The following CNTN6 variants were observed in gnomAD, a reference collection of about 807,000 sequenced individuals.
The protein encoded by CNTN6 is contactin 6, also known as contactin-6.
Under a neutral mutation model 122.8 loss-of-function variants are expected in CNTN6, and 137 were observed. The ratio of observed to expected loss-of-function variants is 1.12; its 90% CI spans 0.97 to 1.29. The LOEUF (loss-of-function observed/expected upper bound fraction) is 1.29. CNTN6 is among the 50% of genes most tolerant of loss of function. CNTN6 has a pLI of 0.00. For synonymous variants in CNTN6, 570 were observed against 426.0 expected (o/e 1.34, Z -4.16); for missense variants, 1,634 against 1,223.4 (o/e 1.34, Z -5.01).
At chr3:1,398,073 T>C (rs1695204210) in intron 20 of CNTN6, among the ~76,000 whole-genome samples, 1 of 152,136 alleles carries the variant, frequency 6.6e-6, no homozygotes, top group Non-Finnish European at 1.5e-5. Context: ...TTTTAAAAGT[T>C]AGAAAAGTGC....
chr3:1,177,274 G>C (rs1318778147), intron 2 of CNTN6, among the ~76,000 whole-genome samples: 2 of 152,152 alleles, frequency 1.3e-5, no homozygotes, highest in Admixed American at 6.6e-5. Flanking sequence ...GAATAAACTT[G>C]AACATAGATT....
At chr3:1,379,598 A>G (rs946896639) in intron 17 of CNTN6, among the ~76,000 whole-genome samples, 5 of 151,892 alleles carry the variant, frequency 3.3e-5, no homozygotes. Context: ...TTTTAAGTTT[A>G]CTCTCTGGCC....
At chr3:1,303,342 A>T (rs541868695) in intron 7 of CNTN6, among the ~76,000 whole-genome samples, 1 of 151,912 alleles carries the variant, frequency 6.6e-6, no homozygotes, top group Non-Finnish European at 1.5e-5. Flanking sequence ...CTTTTTTTTG[A>T]ATCCTGGTCA....
At chr3:1,268,470 G>T (rs377205870) in intron 4 of CNTN6, among the ~76,000 whole-genome samples, 88 of 151,804 alleles carry the variant, frequency 5.8e-4, no homozygotes, top group African/African-American at 2.0e-3. Flanking sequence ...AGCCAGGCGC[G>T]GTGGCAGGTG....
At position 1,212,982 on chromosome 3, in the gene CNTN6, A is replaced by G. The variant is rs147190522; in HGVS notation, c.56-7705A>G. 3.3e-4 allele frequency among the ~76,000 whole-genome samples: 50 copies of G among 152,336 alleles called. No homozygotes were observed. The East Asian group carries it at 7.9e-3, about 24-fold the overall frequency. ...AACTGACTGATGATAATTCAACAAG[A>G]CCTAACTTCTGTGTCTTTCAAAATG... is the stretch of plus-strand genomic sequence containing the variant. On this transcript the variant is annotated intron_variant, in intron 2 of 22. Coordinates refer to ENST00000446702, the MANE Select transcript of CNTN6 (RefSeq NM_001289080.2).
chr3:1,124,775 G>A (rs1014134757), intron 1 of CNTN6, among the ~76,000 whole-genome samples: 1 of 151,440 alleles, frequency 6.6e-6, no homozygotes, highest in Non-Finnish European at 1.5e-5. Context: ...TTCAATTTTC[G>A]GCCACTTCCT....
At chr3:1,368,333 C>T (rs1708519467) in intron 12 of CNTN6, among the ~76,000 whole-genome samples, 1 of 152,046 alleles carries the variant, frequency 6.6e-6, no homozygotes, top group Non-Finnish European at 1.5e-5. Context: ...TAAATTCAGG[C>T]TTTCATAAAA....
At chr3:1,182,602 GTTTT>G (rs772899306) in intron 2 of CNTN6, among the ~76,000 whole-genome samples, 56 of 144,802 alleles carry the variant, frequency 3.9e-4, no homozygotes, top group Admixed American at 2.8e-4. Context: ...CTTTTCCTTA[GTTTT>G]TTTTTTTTAA....
At chr3:1,204,967 A>G (rs1317443430) in intron 2 of CNTN6, among the ~76,000 whole-genome samples, 3 of 152,174 alleles carry the variant, frequency 2.0e-5, no homozygotes, top group Non-Finnish European at 4.4e-5. Context: ...ACGGTTAAAA[A>G]TGGAATTGAG....
chr3:1,194,558 C>T lies in CNTN6; in HGVS notation c.56-26129C>T, dbSNP rs559117046. Among the ~76,000 whole-genome samples, 13 of 152,140 alleles carry T rather than the reference C, an allele frequency of 8.5e-5. No homozygotes were observed. The South Asian group carries it at 1.2e-3, about 15-fold the overall frequency. On this transcript the variant is annotated intron_variant, in intron 2 of 22. Coordinates refer to ENST00000446702, the MANE Select transcript of CNTN6 (RefSeq NM_001289080.2). ...TCTTTTTTCATTTACCATATACTTA[C>T]ATCTCTTATCTAGGATTCCCTGTTC... is the stretch of plus-strand genomic sequence containing the variant.
intron 4 of CNTN6, among the ~76,000 whole-genome samples, chr3:1,236,267 T>C (rs764468165): frequency 6.6e-5 from 10 of 152,076 alleles, no homozygotes; most frequent in South Asian, 4.2e-4. Context: ...ATCTCCTGAC[T>C]GGAGGCCAAC....
chr3:1,312,614 CA>C (rs5846106), intron 7 of CNTN6, among the ~76,000 whole-genome samples: 65,627 of 137,654 alleles, frequency 0.48, 18,006 homozygotes, highest in East Asian at 0.79. Context: ...GCCTCTTATA[CA>C]AAAAAAAAAA....
chr3:1,385,846 C>A, intron 20 of CNTN6, 49 bp downstream of exon 20: 1 of 1,459,956 alleles, frequency 6.8e-7, no homozygotes, highest in Non-Finnish European at 9.2e-7. Flanking sequence ...TGAAGAGCAA[C>A]CTATTCCTTT....
chr3:1,287,611 C>G (rs1044347797), intron 5 of CNTN6, among the ~76,000 whole-genome samples: 1 of 152,000 alleles, frequency 6.6e-6, no homozygotes, highest in Non-Finnish European at 1.5e-5. Context: ...AAGTACAAGT[C>G]AAAAAGAGCC....
intron 2 of CNTN6, among the ~76,000 whole-genome samples, chr3:1,157,062 G>C (rs1008418433): frequency 1.3e-5 from 2 of 151,016 alleles, no homozygotes; most frequent in Admixed American, 1.3e-4. Context: ...GTACATAGTA[G>C]GTGTATATAT....
At chr3:1,267,541 C>T (rs1216547140) in intron 4 of CNTN6, among the ~76,000 whole-genome samples, 1 of 152,120 alleles carries the variant, frequency 6.6e-6, no homozygotes, top group Non-Finnish European at 1.5e-5. Context: ...CTCTATAGCT[C>T]TTAGCTGTTG....
intron 2 of CNTN6, among the ~76,000 whole-genome samples, chr3:1,158,772 ATATATGTGTGTATATATGTG>A (rs1243874893): frequency 1.3e-4 from 15 of 112,956 alleles, no homozygotes; most frequent in African/African-American, 4.4e-4. Flanking sequence ...ATACACACAT[ATATATGTGTGTATATATGTG>A]TATATATATA....
intron 4 of CNTN6, among the ~76,000 whole-genome samples, chr3:1,243,492 G>T (rs969622966): frequency 6.6e-6 from 1 of 151,994 alleles, no homozygotes; most frequent in South Asian, 2.1e-4. Flanking sequence ...ATTTAATGTC[G>T]GGAGCAGATT....
At chr3:1,242,130 G>A (rs1297887081) in intron 4 of CNTN6, among the ~76,000 whole-genome samples, 7 of 152,210 alleles carry the variant, frequency 4.6e-5, no homozygotes, top group African/African-American at 1.7e-4. Context: ...AGATGAGGAA[G>A]AAATTTGGGC....
Sources: gnomAD v4.1 joint callset for allele counts (sites outside exome capture counted in the v4.1 genomes callset) on GRCh38, gnomAD v4.1.1 for gene constraint, MANE v1.5 for transcripts, NCBI Gene and HGNC (gene_info 2026-07-23, HGNC 2026-07-21) for gene names.